Variants in IL1RAPL2 observed in about 807,000 individuals in gnomAD.
The protein encoded by IL1RAPL2 is interleukin 1 receptor accessory protein like 2.
In IL1RAPL2, 3 loss-of-function variants were observed where a neutral mutation model predicts 44.1. The ratio of observed to expected loss-of-function variants is 0.07; its 90% CI spans 0.03 to 0.18. IL1RAPL2 has a LOEUF of 0.18. Ranked by LOEUF, IL1RAPL2 falls within the 10% of genes least tolerant of loss-of-function variation. The pLI is 1.00. For synonymous variants in IL1RAPL2, 181 were observed against 178.8 expected, an observed-to-expected ratio of 1.01 and a Z score of -0.10; for missense variants, 391 against 496.4, an observed-to-expected ratio of 0.79 and a Z score of 2.02.
intron 1 of IL1RAPL2, among the ~76,000 whole-genome samples, chrX:104,649,603 G>A (rs914763584): frequency 3.6e-5 from 4 of 111,599 alleles, no homozygotes; most frequent in East Asian, 2.8e-4. Flanking sequence ...ATGTATGTAC[G>A]TGTCTGATTT....
At chrX:105,206,886 G>C (rs189280634) in intron 3 of IL1RAPL2, among the ~76,000 whole-genome samples, 39 of 111,494 alleles carry the variant, frequency 3.5e-4, no homozygotes, top group African/African-American at 1.1e-3. Context: ...TGTTTACTCT[G>C]ACTTCAAAAC....
intron 2 of IL1RAPL2, among the ~76,000 whole-genome samples, chrX:104,999,677 C>T (rs1004546267): frequency 1.8e-5 from 2 of 111,362 alleles, no homozygotes; most frequent in African/African-American, 3.3e-5. Flanking sequence ...ACAACAGAAA[C>T]CTTTATGTTT....
At chrX:105,432,710 G>A (rs1343524970) in intron 5 of IL1RAPL2, among the ~76,000 whole-genome samples, 1 of 111,152 alleles carries the variant, frequency 9.0e-6, no homozygotes, top group Non-Finnish European at 1.9e-5. Context: ...TGGGGAGTGG[G>A]ATAAGGGAGA....
intron 6 of IL1RAPL2, among the ~76,000 whole-genome samples, chrX:105,578,398 T>G (rs954349417): frequency 5.4e-5 from 6 of 111,206 alleles, no homozygotes; most frequent in African/African-American, 2.0e-4. Context: ...AATATTTAAA[T>G]TGACATTTTT....
intron 5 of IL1RAPL2, among the ~76,000 whole-genome samples, chrX:105,316,790 C>T (rs1893079183): frequency 8.9e-6 from 1 of 112,055 alleles, no homozygotes; most frequent in Non-Finnish European, 1.9e-5. Context: ...ACACAATTCA[C>T]CTTCTACCAT....
chrX:105,254,322 CAT>C (rs1385604488), intron 4 of IL1RAPL2, among the ~76,000 whole-genome samples: 1 of 111,724 alleles, frequency 9.0e-6, no homozygotes, highest in Admixed American at 9.5e-5. Context: ...GCATTTTTTT[CAT>C]ATGTTTATTG....
At chrX:104,736,020 C>A in intron 2 of IL1RAPL2, among the ~76,000 whole-genome samples, 1 of 111,009 alleles carries the variant, frequency 9.0e-6, no homozygotes, top group Non-Finnish European at 1.9e-5. Flanking sequence ...CTGTCTCCTT[C>A]ATTATTCTAG....
Position 105,767,542 on chromosome X carries a change from C to T in IL1RAPL2, c.1942C>T (p.Leu648=). ...HHTYCNLPLT[L]LNGQLPLNNT... ...TACTTATTGTAACCTGCCTCTGACGCTACTCAACGGACAGCTACCCCTTAA... is the reference window on the plus strand; with the variant it reads ...TACTTATTGTAACCTGCCTCTGACGTTACTCAACGGACAGCTACCCCTTAA... The change falls in exon 11 of 11, where the codon CTA becomes TTA. Residue 648 remains leucine, a synonymous_variant. Transcript: ENST00000372582. The T allele has an allele frequency of 2.5e-6, 3 of 1,209,965 alleles. No homozygotes were observed. Among genetic ancestry groups the T allele is most frequent in the Non-Finnish European group, 2.2e-6 (2 of 893,964 alleles).
intron 1 of IL1RAPL2, among the ~76,000 whole-genome samples, chrX:104,649,227 T>G (rs1488927654): frequency 9.0e-6 from 1 of 111,695 alleles, no homozygotes; most frequent in African/African-American, 3.3e-5. Flanking sequence ...TACCTCTGAT[T>G]CTAATGGTTA....
intron 6 of IL1RAPL2, among the ~76,000 whole-genome samples, chrX:105,665,723 TTTGTTTTTTTGTTTTTTTG>T: frequency 1.2e-5 from 1 of 81,397 alleles, no homozygotes; most frequent in African/African-American, 5.1e-5. Flanking sequence ...AGTTTTTATT[TTTGTTTTTTTGTTTTTTTG>T]TTTTTTTTTT....
At chrX:105,220,385 G>T in intron 3 of IL1RAPL2, 1 of 1,186,762 alleles carries the variant, frequency 8.4e-7, no homozygotes, top group Non-Finnish European at 1.1e-6. Flanking sequence ...GGGTCCTCAG[G>T]TCTCAAGGCC....
chrX:105,085,199 A>G (rs1240182029), intron 2 of IL1RAPL2, among the ~76,000 whole-genome samples: 5 of 112,255 alleles, frequency 4.5e-5, no homozygotes, highest in African/African-American at 1.6e-4. Flanking sequence ...CAATCTAAAA[A>G]TCTTCTACAC....
intron 2 of IL1RAPL2, among the ~76,000 whole-genome samples, chrX:104,846,310 T>TA (rs1922049545): frequency 9.1e-6 from 1 of 110,461 alleles, no homozygotes; most frequent in African/African-American, 3.3e-5. Flanking sequence ...ACTCATCATT[T>TA]ACATTAGGCA....
chrX:104,569,235 T>C (rs944034885), intron 1 of IL1RAPL2, among the ~76,000 whole-genome samples: 2 of 111,940 alleles, frequency 1.8e-5, no homozygotes, highest in Non-Finnish European at 1.9e-5. Context: ...ATCTGGCCAG[T>C]CTTAGGTTGA....
intron 6 of IL1RAPL2, among the ~76,000 whole-genome samples, chrX:105,589,770 G>C (rs930080907): frequency 9.0e-6 from 1 of 111,159 alleles, no homozygotes; most frequent in Non-Finnish European, 1.9e-5. Context: ...ATGCTCTGTT[G>C]GTTATTGTAG....
chrX:105,460,951 T>C (rs1266079875), intron 5 of IL1RAPL2, among the ~76,000 whole-genome samples: 1 of 111,751 alleles, frequency 8.9e-6, no homozygotes, highest in East Asian at 2.8e-4. Flanking sequence ...TTTAGTTTGT[T>C]GCTAGAGATA....
At chrX:104,585,238 ATAAT>A (rs1396969250) in intron 1 of IL1RAPL2, among the ~76,000 whole-genome samples, 2 of 53,216 alleles carry the variant, frequency 3.8e-5, no homozygotes, top group Non-Finnish European at 6.2e-5. Flanking sequence ...GTGTATATAT[ATAAT>A]ATATGATATA....
intron 5 of IL1RAPL2, among the ~76,000 whole-genome samples, chrX:105,310,415 C>A (rs899275803): frequency 9.0e-6 from 1 of 111,146 alleles, no homozygotes; most frequent in African/African-American, 3.3e-5. Flanking sequence ...TAGTCAACTG[C>A]TGGACTGAAT....
At chrX:105,399,687 T>C (rs1011132227) in intron 5 of IL1RAPL2, among the ~76,000 whole-genome samples, 11 of 111,666 alleles carry the variant, frequency 9.9e-5, no homozygotes, top group African/African-American at 3.6e-4. Context: ...ATTAATCTGA[T>C]GCTATTTTAA....
Sources: gnomAD v4.1 joint callset for allele counts (sites outside exome capture counted in the v4.1 genomes callset) on GRCh38, gnomAD v4.1.1 for gene constraint, MANE v1.5 for transcripts, NCBI Gene and HGNC (gene_info 2026-07-23, HGNC 2026-07-21) for gene names.